The following FSTL4 variants were observed in gnomAD, a reference collection of about 807,000 sequenced individuals.
FSTL4 encodes follistatin like 4, also known as follistatin-related protein 4.
A neutral mutation model predicts 78.2 loss-of-function variants in FSTL4; 28 were observed. That is an observed-to-expected ratio of 0.36 (90% CI 0.27 to 0.49). The LOEUF (loss-of-function observed/expected upper bound fraction) is 0.49. Ranked by LOEUF, FSTL4 falls within the 20% of genes least tolerant of loss-of-function variation. The pLI is 0.98. For synonymous variants in FSTL4, 422 were observed against 440.5 expected (o/e 0.96, Z 0.53); for missense variants, 922 against 1,084.9 (o/e 0.85, Z 2.11).
chr5:133,382,083 A>T (rs1755587614), intron 4 of FSTL4, among the ~76,000 whole-genome samples: 1 of 152,150 alleles, frequency 6.6e-6, no homozygotes, highest in African/African-American at 2.4e-5. Flanking sequence ...AGCCCAGACC[A>T]TGGTGGGCTC....
the FSTL4 span, among the ~76,000 whole-genome samples, chr5:133,764,206 C>A: frequency 6.6e-6 from 1 of 152,356 alleles, no homozygotes; most frequent in Middle Eastern, 3.4e-3. Flanking sequence ...TTTCCTTCCT[C>A]CTTCCTGCCC....
At chr5:133,609,021 G>C (rs7700625) in intron 1 of FSTL4, among the ~76,000 whole-genome samples, 6,238 of 152,196 alleles carry the variant, frequency 0.041, 215 homozygotes, top group African/African-American at 0.096. Flanking sequence ...TGGGAATTCT[G>C]GCCCTCAGAG....
chr5:133,486,628 A>G (rs972256711), intron 3 of FSTL4, among the ~76,000 whole-genome samples: 4 of 152,136 alleles, frequency 2.6e-5, no homozygotes, highest in African/African-American at 4.8e-5. Flanking sequence ...AAGAAAGCCA[A>G]AACAACCCTG....
chr5:133,537,580 T>C (rs1320866314), intron 3 of FSTL4, among the ~76,000 whole-genome samples: 2 of 152,150 alleles, frequency 1.3e-5, no homozygotes, highest in Non-Finnish European at 2.9e-5. Context: ...ATATTGTTTA[T>C]TTCTTTCTCT....
intron 3 of FSTL4, among the ~76,000 whole-genome samples, chr5:133,563,441 T>C (rs890804605): frequency 7.2e-5 from 11 of 152,222 alleles, no homozygotes; most frequent in Non-Finnish European, 1.3e-4. Flanking sequence ...TCCTCATCCC[T>C]ACTAAAAATT....
chr5:133,303,927 G>C (rs541171573), intron 6 of FSTL4, among the ~76,000 whole-genome samples: 56 of 152,198 alleles, frequency 3.7e-4, no homozygotes, highest in Non-Finnish European at 7.5e-4. Flanking sequence ...GCAGGCCAAG[G>C]AGGCAGTGGG....
chr5:133,793,124 T>C, the FSTL4 span, among the ~76,000 whole-genome samples: 1 of 152,202 alleles, frequency 6.6e-6, no homozygotes, highest in Admixed American at 6.5e-5. Flanking sequence ...CAGTGACAAC[T>C]GAGGCCCACC....
At chr5:133,233,757 G>T (rs1287649145) in intron 7 of FSTL4, among the ~76,000 whole-genome samples, 1 of 152,106 alleles carries the variant, frequency 6.6e-6, no homozygotes, top group East Asian at 1.9e-4. Context: ...TCTGTTTAAG[G>T]CCTTGTGTAC....
chr5:133,656,895 G>T, the FSTL4 span, among the ~76,000 whole-genome samples: 1 of 152,204 alleles, frequency 6.6e-6, no homozygotes, highest in South Asian at 2.1e-4. Flanking sequence ...ACGTTGACTT[G>T]CACTAGAGTG....
the FSTL4 span, among the ~76,000 whole-genome samples, chr5:133,695,939 T>G: frequency 6.6e-6 from 1 of 152,210 alleles, no homozygotes; most frequent in East Asian, 1.9e-4. Flanking sequence ...CCGTTCCTGA[T>G]CAGGCCAGCC....
At chr5:133,717,007 C>T in the FSTL4 span, among the ~76,000 whole-genome samples, 1 of 152,206 alleles carries the variant, frequency 6.6e-6, no homozygotes, top group African/African-American at 2.4e-5. Context: ...AGGAGTCTGT[C>T]CTGAGCCAGA....
At chr5:133,667,205 T>C in the FSTL4 span, among the ~76,000 whole-genome samples, 5,264 of 146,664 alleles carry the variant, frequency 0.036, 133 homozygotes, top group East Asian at 0.088. Context: ...TCTCTCATAA[T>C]TCACTTTCAA....
At chr5:133,238,154 A>G (rs1364559770) in intron 7 of FSTL4, among the ~76,000 whole-genome samples, 3 of 152,214 alleles carry the variant, frequency 2.0e-5, no homozygotes, top group Non-Finnish European at 4.4e-5. Flanking sequence ...TGAGTCATCA[A>G]TACTGAATAT....
At chr5:133,615,524 A>G (rs1761184441), upstream of FSTL4, among the ~76,000 whole-genome samples, 1 of 152,194 alleles carries the variant, frequency 6.6e-6, no homozygotes, top group African/African-American at 2.4e-5. Context: ...AGGCAGTCAT[A>G]CTAAACGACA....
intron 3 of FSTL4, among the ~76,000 whole-genome samples, chr5:133,540,639 T>C (rs1160955774): frequency 6.7e-6 from 1 of 149,704 alleles, no homozygotes; most frequent in Non-Finnish European, 1.5e-5. Context: ...AGTTTGACTT[T>C]CAAGCCTGGT....
the FSTL4 span, among the ~76,000 whole-genome samples, chr5:133,672,176 C>A: frequency 1.3e-5 from 2 of 152,018 alleles, no homozygotes; most frequent in Non-Finnish European, 2.9e-5. Context: ...GTGCTTTGGA[C>A]GATAAAACTC....
chr5:133,231,819 C>T (rs779379485), intron 8 of FSTL4, among the ~76,000 whole-genome samples: 20 of 152,288 alleles, frequency 1.3e-4, no homozygotes, highest in Admixed American at 2.6e-4. Flanking sequence ...TGATTATAGG[C>T]GTGAGCCAGC....
At chr5:133,258,526 G>A (rs1294878373) in intron 6 of FSTL4, among the ~76,000 whole-genome samples, 1 of 152,192 alleles carries the variant, frequency 6.6e-6, no homozygotes, top group Non-Finnish European at 1.5e-5. Flanking sequence ...TTCAACAGAA[G>A]CCAATGTTTT....
chr5:133,607,575 C>T (rs398232), intron 1 of FSTL4, among the ~76,000 whole-genome samples: 9,269 of 152,276 alleles, frequency 0.061, 318 homozygotes, highest in Non-Finnish European at 0.073. Flanking sequence ...AAGTCAGGCA[C>T]GTAGACCCAC....
Sources: allele counts gnomAD v4.1 joint callset (sites outside exome capture counted in the v4.1 genomes callset), GRCh38; gene constraint gnomAD v4.1.1; transcripts MANE v1.5; gene names NCBI Gene and HGNC (gene_info 2026-07-23, HGNC 2026-07-21).